GALNT13: variants seen among roughly 807,000 people sequenced by gnomAD.
The protein encoded by GALNT13 is polypeptide N-acetylgalactosaminyltransferase 13, also known as UDP-GalNAc:polypeptide N-acetylgalactosaminyltransferase 13.
Under a neutral mutation model 64.2 loss-of-function variants are expected in GALNT13, and 28 were observed. The observed-to-expected ratio is 0.44, with a 90% CI of 0.32 to 0.60. GALNT13 has a LOEUF of 0.60. Among genes scored for constraint, GALNT13 ranks in the 20% least tolerant of loss-of-function variants. GALNT13 has a pLI of 0.05. For synonymous variants in GALNT13, 214 were observed against 224.6 expected, an observed-to-expected ratio of 0.95 and a Z score of 0.42; for missense variants, 577 against 669.8, an observed-to-expected ratio of 0.86 and a Z score of 1.53.
chr2:154,141,531 G>A (rs917459095), intron 4 of GALNT13, among the ~76,000 whole-genome samples: 2 of 151,858 alleles, frequency 1.3e-5, no homozygotes, highest in Non-Finnish European at 2.9e-5. Context: ...AGGTCTATTC[G>A]GGGTCAGGAT....
intron 3 of GALNT13, among the ~76,000 whole-genome samples, chr2:153,986,214 A>C (rs1347255696): frequency 1.3e-5 from 2 of 151,956 alleles, no homozygotes; most frequent in Non-Finnish European, 2.9e-5. Flanking sequence ...TAACATGGAG[A>C]AGGTTTATTT....
chr2:154,136,748 T>A (rs1458859255), intron 3 of GALNT13, among the ~76,000 whole-genome samples: 10 of 152,250 alleles, frequency 6.6e-5, no homozygotes, highest in Admixed American at 1.3e-4. Flanking sequence ...ATTATTTTTT[T>A]AAATAATTTC....
the GALNT13 span, among the ~76,000 whole-genome samples, chr2:153,110,055 A>G: frequency 1.3e-5 from 2 of 152,102 alleles, no homozygotes; most frequent in Non-Finnish European, 2.9e-5. Context: ...ATTCATTTTC[A>G]ACAGATGGTT....
intron 8 of GALNT13, among the ~76,000 whole-genome samples, chr2:154,267,146 G>A (rs1221653375): frequency 6.6e-6 from 1 of 151,892 alleles, no homozygotes; most frequent in African/African-American, 2.4e-5. Flanking sequence ...TGTCTATGTG[G>A]GGGGGAAAAA....
At chr2:153,866,953 TC>T, upstream of GALNT13, among the ~76,000 whole-genome samples, 1 of 152,222 alleles carries the variant, frequency 6.6e-6, no homozygotes, top group South Asian at 2.1e-4. Context: ...TACTTTTCTT[TC>T]ATTAATTGAT....
chr2:153,606,795 C>T, the GALNT13 span, among the ~76,000 whole-genome samples: 2 of 151,788 alleles, frequency 1.3e-5, no homozygotes, highest in Non-Finnish European at 2.9e-5. Context: ...TCTCTCCTCT[C>T]TCCTTCACAT....
At chr2:154,437,545 C>A in intron 11 of GALNT13, 1 of 1,284,688 alleles carries the variant, frequency 7.8e-7, no homozygotes, top group Non-Finnish European at 1.0e-6. Flanking sequence ...AAAACACATT[C>A]TATAATTATG....
chr2:153,194,479 G>C, the GALNT13 span, among the ~76,000 whole-genome samples: 1 of 151,926 alleles, frequency 6.6e-6, no homozygotes, highest in Non-Finnish European at 1.5e-5. Flanking sequence ...TTTATATCCT[G>C]AATTGTTCTG....
the GALNT13 span, among the ~76,000 whole-genome samples, chr2:153,730,132 C>T: frequency 6.6e-6 from 1 of 151,814 alleles, no homozygotes; most frequent in Non-Finnish European, 1.5e-5. Context: ...TCTGAATCAT[C>T]AAAACAATCT....
chr2:153,977,342 G>T (rs576204328), intron 3 of GALNT13, among the ~76,000 whole-genome samples: 3 of 152,164 alleles, frequency 2.0e-5, no homozygotes, highest in African/African-American at 7.2e-5. Flanking sequence ...AAGGAAAGAG[G>T]TTTAATTGAC....
At position 154,042,259 on chromosome 2, in the gene GALNT13, C is replaced by A. The variant is rs1189900190; in HGVS notation, c.142+97620C>A. Among the ~76,000 whole-genome samples, 3 of 139,416 alleles carry A rather than the reference C, an allele frequency of 2.2e-5. 1 individual carries two copies. Among genetic ancestry groups the A allele is most frequent in the Non-Finnish European group, 3.3e-5 (2 of 60,766 alleles). 91.5% of individuals were successfully genotyped at this position (139,416 alleles called of 152,430 possible). A position where few individuals can be genotyped will look rare whatever the true frequency, so the allele number is the denominator to read the frequency against. ...GCATAAAACGGAAACGATGACATTA[C>A]CCCAGTAATTATAGTTTTGTGTTTT... On this transcript the variant is annotated intron_variant, in intron 3 of 12. Coordinates refer to ENST00000392825, the MANE Select transcript of GALNT13 (RefSeq NM_052917.4).
intron 3 of GALNT13, among the ~76,000 whole-genome samples, chr2:154,134,841 A>C (rs1461281943): frequency 6.6e-6 from 1 of 152,062 alleles, no homozygotes; most frequent in Non-Finnish European, 1.5e-5. Context: ...AAAATACAAA[A>C]ATTAGCTGGT....
the GALNT13 span, among the ~76,000 whole-genome samples, chr2:153,244,817 A>G: frequency 4.3e-4 from 66 of 152,314 alleles, 2 homozygotes; most frequent in African/African-American, 1.4e-3. Context: ...GAAGCCAGGG[A>G]GTCAAGTGGT....
intron 2 of GALNT13, among the ~76,000 whole-genome samples, chr2:153,917,710 A>G (rs1258424116): frequency 6.6e-6 from 1 of 152,196 alleles, no homozygotes; most frequent in Admixed American, 6.6e-5. Flanking sequence ...TAGAGCTACC[A>G]CACAGGCTGG....
the GALNT13 span, among the ~76,000 whole-genome samples, chr2:153,323,763 T>G: frequency 2.0e-5 from 3 of 152,234 alleles, no homozygotes; most frequent in African/African-American, 7.2e-5. Context: ...CCCCATTGCT[T>G]GTTTTTGTCA....
the GALNT13 span, among the ~76,000 whole-genome samples, chr2:153,566,536 A>G: frequency 6.6e-6 from 1 of 151,998 alleles, no homozygotes; most frequent in Admixed American, 6.5e-5. Context: ...TTCTATTTTT[A>G]GTAGAGATGG....
chr2:153,569,501 G>C, the GALNT13 span, among the ~76,000 whole-genome samples: 1 of 143,076 alleles, frequency 7.0e-6, no homozygotes, highest in Non-Finnish European at 1.5e-5. Flanking sequence ...CAACTATCTG[G>C]GTTTCCTTTT....
At chr2:154,112,920 C>G (rs557593272) in intron 3 of GALNT13, among the ~76,000 whole-genome samples, 159 of 152,186 alleles carry the variant, frequency 1.0e-3, no homozygotes, top group Non-Finnish European at 8.4e-4. Context: ...GAGCCACTTC[C>G]TCATGTAACT....
chr2:153,852,131 A>G, the GALNT13 span, among the ~76,000 whole-genome samples: 2 of 152,194 alleles, frequency 1.3e-5, no homozygotes, highest in Non-Finnish European at 2.9e-5. Context: ...GTAAAAAAAA[A>G]TAATATATTG....
Sources: allele counts gnomAD v4.1 joint callset (sites outside exome capture counted in the v4.1 genomes callset), GRCh38; gene constraint gnomAD v4.1.1; transcripts MANE v1.5; gene names NCBI Gene and HGNC (gene_info 2026-07-23, HGNC 2026-07-21).